The following ZMYND11 variants were observed in gnomAD, a reference collection of about 807,000 sequenced individuals.
ZMYND11 encodes the protein zinc finger MYND domain-containing protein 11.
Under a neutral mutation model 84.9 loss-of-function variants are expected in ZMYND11, and 9 were observed. The observed-to-expected ratio is 0.11, with a 90% CI of 0.06 to 0.18. ZMYND11 has a LOEUF of 0.18. Ranked by LOEUF, ZMYND11 falls within the 10% of genes least tolerant of loss-of-function variation. The pLI is 1.00. For synonymous variants in ZMYND11, 250 were observed against 244.1 expected (o/e 1.02, Z -0.23); for missense variants, 409 against 761.0 (o/e 0.54, Z 5.44).
chr10:247,340 C>G, intron 11 of ZMYND11, 58 bp from the exon 12 acceptor site: 1 of 1,584,506 alleles, frequency 6.3e-7, no homozygotes, highest in African/African-American at 1.4e-5. Context: ...TGAGTGTTTT[C>G]AGCAGAGAAG....
intron 10 of ZMYND11, among the ~76,000 whole-genome samples, chr10:245,021 C>T (rs181640246): frequency 6.6e-6 from 1 of 152,258 alleles, no homozygotes; most frequent in African/African-American, 2.4e-5. Context: ...TGAATTCCTA[C>T]TACATAATAG....
chr10:249,365 A>C (rs1952856300), intron 14 of ZMYND11: 1 of 1,168,258 alleles, frequency 8.6e-7, no homozygotes, highest in South Asian at 2.8e-5. Flanking sequence ...TAATTTCTCC[A>C]TCTATGCATA....
intron 1 of ZMYND11, among the ~76,000 whole-genome samples, chr10:160,245 G>A (rs116037869): frequency 6.6e-6 from 1 of 152,138 alleles, no homozygotes; most frequent in African/African-American, 2.4e-5. Flanking sequence ...TAAAAGTTAT[G>A]TTTACACTTT....
chr10:198,227 T>C (rs578096195), intron 2 of ZMYND11, among the ~76,000 whole-genome samples: 1 of 152,296 alleles, frequency 6.6e-6, no homozygotes, highest in Non-Finnish European at 1.5e-5. Flanking sequence ...AAACTTTGCC[T>C]GTTATTTGAA....
chr10:216,879 A>G (rs1946272381), intron 3 of ZMYND11, among the ~76,000 whole-genome samples: 1 of 152,110 alleles, frequency 6.6e-6, no homozygotes, highest in Admixed American at 6.5e-5. Context: ...TATTTTAAAT[A>G]TAAGTAATAT....
chr10:215,554 G>GT (rs1184243840), intron 3 of ZMYND11, among the ~76,000 whole-genome samples: 5 of 148,682 alleles, frequency 3.4e-5, no homozygotes, highest in Non-Finnish European at 6.0e-5. Flanking sequence ...GGGCATCTTT[G>GT]TTTTTTGTTT....
Position 135,918 on chromosome 10 carries a change from C to T in ZMYND11, c.-20+359C>T, listed in dbSNP as rs1835893675. Among the ~76,000 whole-genome samples, 1 of 151,372 alleles carries T rather than the reference C, an allele frequency of 6.6e-6. No individual in the cohort carries two copies. Among genetic ancestry groups the T allele is most frequent in the Admixed American group, 6.6e-5 (1 of 15,218 alleles). ...AGTCGCGTGAGCACCGCCCGCCGGG[C>T]CCTGTGCCCCGCTTTCGGTCAGGCC... On this transcript the variant is annotated intron_variant, in intron 1 of 14. Coordinates refer to ENST00000381604, the MANE Select transcript of ZMYND11 (RefSeq NM_001370100.5). The surrounding 1 kb of genome is among the most constrained non-coding windows in gnomAD (Gnocchi z 5.6).
At chr10:243,354 T>TAAAACACAGTTAACTTAGAAAA (rs1347420359) in intron 10 of ZMYND11, among the ~76,000 whole-genome samples, 1 of 152,190 alleles carries the variant, frequency 6.6e-6, no homozygotes, top group African/African-American at 2.4e-5. Context: ...TCACATTAAA[T>TAAAACACAGTTAACTTAGAAAA]AAAACACAGT....
chr10:187,315 C>A (rs553919139), intron 2 of ZMYND11, among the ~76,000 whole-genome samples: 1 of 152,270 alleles, frequency 6.6e-6, no homozygotes, highest in South Asian at 2.1e-4. Flanking sequence ...ATAATCACTG[C>A]TAAGATGTTT....
intron 1 of ZMYND11, among the ~76,000 whole-genome samples, chr10:170,433 T>C (rs12779455): frequency 3.5e-3 from 439 of 124,474 alleles, no homozygotes; most frequent in Middle Eastern, 0.034. Context: ...TATGTGTGCG[T>C]GTGTGTGTGT....
At chr10:137,499 G>A (rs1478546463) in intron 1 of ZMYND11, among the ~76,000 whole-genome samples, 2 of 152,148 alleles carry the variant, frequency 1.3e-5, no homozygotes, top group Admixed American at 6.5e-5. Flanking sequence ...TGTAAACTGA[G>A]AAATATAGTA....
chr10:229,848 T>C (rs901347498), intron 4 of ZMYND11, among the ~76,000 whole-genome samples: 1 of 152,202 alleles, frequency 6.6e-6, no homozygotes, highest in Admixed American at 6.5e-5. Context: ...AAATTATGTG[T>C]AATTCCTTTA....
intron 1 of ZMYND11, among the ~76,000 whole-genome samples, chr10:143,742 C>T (rs1838017214): frequency 6.6e-6 from 1 of 152,094 alleles, no homozygotes; most frequent in Non-Finnish European, 1.5e-5. Flanking sequence ...TTTTATTTCA[C>T]AATACTTATT....
rs377574729 is a variant in ZMYND11 at position 158,989 on chromosome 10, TTG to T, written c.-19-21003_-19-21002del. Among the ~76,000 whole-genome samples, 1,216 of 133,062 alleles carry T rather than the reference TTG, an allele frequency of 9.1e-3. 36 individuals carry two copies. The highest frequency in any genetic ancestry group is 0.03 in the African/African-American group (1,084 of 35,872). 87.3% of individuals were successfully genotyped at this position (133,062 alleles called of 152,430 possible). A position where few individuals can be genotyped will look rare whatever the true frequency, so the allele number is the denominator to read the frequency against. On this transcript the variant is annotated intron_variant, in intron 1 of 14. Transcript: ENST00000381604. ...TATGATTTGCAGGGTTTTTTGTTTT[TTG>T]TTTTTTTTTTTTTTTTTACATTATG...
chr10:193,115 A>G lies in ZMYND11; in HGVS notation c.116+12987A>G, dbSNP rs529797700. ...TTATTTTAAGAAGACCTTATCCTGAAGGAGGCCACAGAATATTCCCTACAT... is the reference window on the plus strand; with the variant it reads ...TTATTTTAAGAAGACCTTATCCTGAGGGAGGCCACAGAATATTCCCTACAT... On this transcript the variant is annotated intron_variant, in intron 2 of 14. Coordinates refer to ENST00000381604, the MANE Select transcript of ZMYND11 (RefSeq NM_001370100.5). Among the ~76,000 whole-genome samples, 8 of 152,266 alleles carry G rather than the reference A, an allele frequency of 5.3e-5. No individual in the cohort carries two copies. In the South Asian group the frequency reaches 1.5e-3, roughly 28 times the overall value.
At chr10:186,642 C>CAAAAAAAAAAAAA (rs56345833) in intron 2 of ZMYND11, among the ~76,000 whole-genome samples, 4 of 95,156 alleles carry the variant, frequency 4.2e-5, no homozygotes, top group African/African-American at 1.2e-4. Flanking sequence ...AGGACTCTCT[C>CAAAAAAAAAAAAA]AAAAAAAAAA....
At chr10:210,524 C>T (rs919405254) in intron 3 of ZMYND11, among the ~76,000 whole-genome samples, 10 of 152,190 alleles carry the variant, frequency 6.6e-5, no homozygotes, top group African/African-American at 2.4e-4. Flanking sequence ...ACGTTAAGTT[C>T]TCCTGGCCAG....
Position 177,223 on chromosome 10 carries a change from T to C in ZMYND11, c.-19-2771T>C, listed in dbSNP as rs530178675. 7.7e-4 allele frequency among the ~76,000 whole-genome samples: 117 copies of C among 152,330 alleles called. 1 individual carries two copies. Among genetic ancestry groups the C allele is most frequent in the African/African-American group, 2.6e-3 (110 of 41,584 alleles). ...GAAAGGATAATTTATGGTTGCACTTTAAAGAGATCTTGCCTCCATGGGTCA... is the reference window on the plus strand; with the variant it reads ...GAAAGGATAATTTATGGTTGCACTTCAAAGAGATCTTGCCTCCATGGGTCA... On this transcript the variant is annotated intron_variant, in intron 1 of 14. Transcript: ENST00000381604.
chr10:212,673 A>G (rs1329993151), intron 3 of ZMYND11, among the ~76,000 whole-genome samples: 1 of 152,072 alleles, frequency 6.6e-6, no homozygotes, highest in African/African-American at 2.4e-5. Flanking sequence ...AGATTAAATG[A>G]GATTATCTAC....
Sources: gnomAD v4.1 joint callset for allele counts (sites outside exome capture counted in the v4.1 genomes callset) on GRCh38, gnomAD v4.1.1 for gene constraint, Gnocchi (gnomAD v3.1) non-coding constraint, MANE v1.5 for transcripts, NCBI Gene and HGNC (gene_info 2026-07-23, HGNC 2026-07-21) for gene names.